The following APBA1 variants were observed in gnomAD, a reference collection of about 807,000 sequenced individuals.
The protein encoded by APBA1 is amyloid beta precursor protein binding family A member 1.
In APBA1, 55 loss-of-function variants were observed where a neutral mutation model predicts 86.6. That is an observed-to-expected ratio of 0.64 (90% CI 0.51 to 0.80). APBA1 has a LOEUF of 0.80. APBA1 is among the 30% of genes least tolerant of loss of function. The probability of loss-of-function intolerance (pLI) is 0.00; values close to 1 mark genes in which losing one functional copy is unlikely to be tolerated. For missense variants in APBA1, 1,090 were observed against 1,183.0 expected (o/e 0.92, Z 1.15); for synonymous variants, 511 against 493.9 (o/e 1.03, Z -0.46).
chr9:69,541,259 C>CG (rs1554699102), intron 1 of APBA1, among the ~76,000 whole-genome samples: 2 of 149,654 alleles, frequency 1.3e-5, no homozygotes, highest in East Asian at 4.0e-4. Context: ...GGACCCCCCC[C>CG]CCCATTCTGT....
intron 2 of APBA1, 115 bp downstream of exon 2, chr9:69,515,896 C>T (rs1283010928): frequency 2.6e-6 from 3 of 1,151,214 alleles, no homozygotes; most frequent in African/African-American, 1.6e-5. Flanking sequence ...AAGTTCTTAG[C>T]GTCCCCACAG....
chr9:69,514,677 G>A (rs997537820), intron 2 of APBA1, among the ~76,000 whole-genome samples: 1 of 152,164 alleles, frequency 6.6e-6, no homozygotes, highest in African/African-American at 2.4e-5. Context: ...GGGAGGCCGA[G>A]GTGAGTGGTT....
At position 69,517,039 on chromosome 9, in the gene APBA1, C is replaced by T. The variant is rs1410822783; in HGVS notation, c.172G>A (p.Glu58Lys). The change falls in exon 2 of 13, where the codon GAG (glutamate) becomes AAG (lysine). Residue 58 changes from glutamate (E) to lysine (K), a missense_variant. Coordinates refer to ENST00000265381, the MANE Select transcript of APBA1 (RefSeq NM_001163.4). ...VGRHQRGRAL[E>K]DLRAQLGQEE... ...TGGCCGAGCTGGGCGCGGAGGTCCT[C>T]GAGGGCTCGCCCGCGCTGGTGGCGG... 24 of 1,580,164 alleles carry T rather than the reference C, an allele frequency of 1.5e-5. No individual in the cohort carries two copies. The highest frequency in any genetic ancestry group is 2.1e-5 in the Non-Finnish European group (24 of 1,169,886).
At chr9:69,523,287 G>A (rs1836281681) in intron 1 of APBA1, among the ~76,000 whole-genome samples, 1 of 151,642 alleles carries the variant, frequency 6.6e-6, no homozygotes, top group Admixed American at 6.6e-5. Flanking sequence ...ATATTCAGAA[G>A]TAGTGTTAGA....
intron 1 of APBA1, among the ~76,000 whole-genome samples, chr9:69,556,170 A>G (rs779622646): frequency 1.9e-4 from 29 of 152,170 alleles, no homozygotes; most frequent in Non-Finnish European, 1.2e-4. Flanking sequence ...CAATGATATA[A>G]ACATAATGAA....
intron 1 of APBA1, among the ~76,000 whole-genome samples, chr9:69,633,343 A>G (rs1823088413): frequency 6.6e-6 from 1 of 152,118 alleles, no homozygotes; most frequent in African/African-American, 2.4e-5. Context: ...CACATAGGTC[A>G]TGCTTTTCAA....
chr9:69,555,027 A>G (rs1263776016), intron 1 of APBA1, among the ~76,000 whole-genome samples: 3 of 152,318 alleles, frequency 2.0e-5, no homozygotes, highest in Non-Finnish European at 4.4e-5. Context: ...TGTTCTAAGA[A>G]AACGACATTC....
intron 1 of APBA1, among the ~76,000 whole-genome samples, chr9:69,605,590 A>C (rs141863803): frequency 2.1e-3 from 318 of 152,210 alleles, no homozygotes; most frequent in African/African-American, 7.4e-3. Flanking sequence ...TTACGTTGTC[A>C]TTTGGTCTTG....
At chr9:69,444,750 G>C (rs1189246475) in intron 10 of APBA1, among the ~76,000 whole-genome samples, 1 of 152,192 alleles carries the variant, frequency 6.6e-6, no homozygotes, top group Non-Finnish European at 1.5e-5. Flanking sequence ...TCTGCTTTGA[G>C]TGCTTCCTCC....
intron 1 of APBA1, among the ~76,000 whole-genome samples, chr9:69,519,938 A>G (rs1258196405): frequency 2.6e-5 from 4 of 152,166 alleles, no homozygotes; most frequent in Non-Finnish European, 4.4e-5. Flanking sequence ...CTGGTGGGGC[A>G]GGGGGTGGTG....
intron 1 of APBA1, among the ~76,000 whole-genome samples, chr9:69,654,295 C>A (rs1041988771): frequency 6.6e-6 from 1 of 151,764 alleles, no homozygotes; most frequent in Non-Finnish European, 1.5e-5. Context: ...CTTAGCTAGA[C>A]TTACTAAGAA....
chr9:69,559,077 T>C (rs1294338333), intron 1 of APBA1, among the ~76,000 whole-genome samples: 1 of 152,210 alleles, frequency 6.6e-6, no homozygotes, highest in Non-Finnish European at 1.5e-5. Context: ...ACCACTAATT[T>C]ACCACTTTCT....
chr9:69,436,006 G>GTTT (rs1035297899), intron 11 of APBA1, among the ~76,000 whole-genome samples: 2 of 151,940 alleles, frequency 1.3e-5, no homozygotes, highest in Non-Finnish European at 2.9e-5. Context: ...TGGCTAGCCA[G>GTTT]TTTTCCCAGC....
At chr9:69,439,485 CT>C (rs1160550373) in intron 11 of APBA1, among the ~76,000 whole-genome samples, 2 of 151,026 alleles carry the variant, frequency 1.3e-5, no homozygotes, top group African/African-American at 4.9e-5. Context: ...ATCTATCTAT[CT>C]TTTTATTCTT....
At chr9:69,482,998 T>C (rs1351595395) in intron 2 of APBA1, among the ~76,000 whole-genome samples, 7 of 142,522 alleles carry the variant, frequency 4.9e-5, no homozygotes, top group Non-Finnish European at 7.7e-5. Flanking sequence ...AGGGATAGCA[T>C]TGGGAGATAT....
chr9:69,462,950 G>T (rs2781536), intron 5 of APBA1: 56,376 of 151,946 alleles, frequency 0.37, 10,616 homozygotes, highest in South Asian at 0.45. Context: ...TACTGGTCCA[G>T]GGATCATGCT....
At chr9:69,568,188 C>T (rs887512845) in intron 1 of APBA1, among the ~76,000 whole-genome samples, 8 of 152,060 alleles carry the variant, frequency 5.3e-5, no homozygotes, top group Non-Finnish European at 8.8e-5. Flanking sequence ...TGAGAATGTC[C>T]CCCATGCCCT....
chr9:69,615,933 C>T (rs1822690126), intron 1 of APBA1, among the ~76,000 whole-genome samples: 1 of 152,176 alleles, frequency 6.6e-6, no homozygotes, highest in Admixed American at 6.5e-5. Flanking sequence ...GACTGCAAAC[C>T]AGGACAAGAA....
rs748393562 is a variant in APBA1, at chr9:69,516,464, G to C, written c.747C>G (p.Pro249=). 1.2e-5 allele frequency: 19 copies of C among 1,602,182 alleles called. No individual in the cohort carries two copies. The highest frequency in any genetic ancestry group is 3.3e-5 in the South Asian group (3 of 90,944). Residue 249 remains proline (P), a synonymous_variant, in exon 2 of 13, where the codon CCC becomes CCG. Coordinates refer to ENST00000265381, the MANE Select transcript of APBA1 (RefSeq NM_001163.4). The surrounding 1 kb of genome is among the most constrained non-coding windows in gnomAD (Gnocchi z 7.3). ...AGGGCGCGAACTCGGCCTCCTTCTC[G>C]GGGCTGTCGGACTCGCCGTCGGAGC... ...DERSDGESDS[P]EKEAEFAPYP... is the part of the protein sequence containing the mutation.
Sources: allele counts gnomAD v4.1 joint callset (sites outside exome capture counted in the v4.1 genomes callset), GRCh38; gene constraint gnomAD v4.1.1; non-coding constraint Gnocchi (gnomAD v3.1); transcripts MANE v1.5; gene names NCBI Gene and HGNC (gene_info 2026-07-23, HGNC 2026-07-21).